The following NTM variants were observed in gnomAD, a reference collection of about 807,000 sequenced individuals.
The protein encoded by NTM is IgLON family member 2.
In NTM, 13 loss-of-function variants were observed where a neutral mutation model predicts 42.1. That is an observed-to-expected ratio of 0.31 (90% CI 0.20 to 0.49). The LOEUF (loss-of-function observed/expected upper bound fraction) is 0.49, where lower values mean the gene tolerates loss of function less well. NTM is among the 20% of genes least tolerant of loss of function. The pLI is 0.99. For missense variants in NTM, 373 were observed against 452.8 expected (o/e 0.82, Z 1.60); for synonymous variants, 187 against 179.2 (o/e 1.04, Z -0.35).
intron 2 of NTM, among the ~76,000 whole-genome samples, chr11:132,040,214 G>T (rs1196214259): frequency 6.6e-6 from 1 of 152,116 alleles, no homozygotes; most frequent in Non-Finnish European, 1.5e-5. Context: ...ACCCGCCTCT[G>T]CCTCCCAAAG....
chr11:131,959,650 C>T (rs150113792), intron 2 of NTM, among the ~76,000 whole-genome samples: 2 of 152,234 alleles, frequency 1.3e-5, no homozygotes, highest in African/African-American at 4.8e-5. Context: ...ACCTTGTTTT[C>T]CTGCGGGTGA....
intron 1 of NTM, among the ~76,000 whole-genome samples, chr11:131,411,025 T>A (rs1366782070): frequency 6.6e-6 from 1 of 152,202 alleles, no homozygotes; most frequent in Non-Finnish European, 1.5e-5. Context: ...CAGACACTTA[T>A]ACCACATACT....
At chr11:131,837,222 G>A (rs184677183) in intron 1 of NTM, among the ~76,000 whole-genome samples, 3 of 152,238 alleles carry the variant, frequency 2.0e-5, no homozygotes, top group African/African-American at 7.2e-5. Flanking sequence ...TTCCACACAG[G>A]CATCTACCGA....
intron 1 of NTM, among the ~76,000 whole-genome samples, chr11:131,396,733 C>A (rs1944603064): frequency 6.6e-6 from 1 of 151,946 alleles, no homozygotes; most frequent in African/African-American, 2.4e-5. Flanking sequence ...ACTCGAGAGG[C>A]TGAGGCAGGA....
intron 1 of NTM, among the ~76,000 whole-genome samples, chr11:131,708,690 T>G (rs1236321570): frequency 6.6e-6 from 1 of 152,194 alleles, no homozygotes; most frequent in Non-Finnish European, 1.5e-5. Flanking sequence ...TTTATACATT[T>G]CATTTATTCA....
At chr11:132,137,149 A>G (rs1487103945) in intron 2 of NTM, among the ~76,000 whole-genome samples, 1 of 152,248 alleles carries the variant, frequency 6.6e-6, no homozygotes, top group East Asian at 1.9e-4. Flanking sequence ...GATTTGGACA[A>G]CTGCCAGGCT....
chr11:131,664,054 C>G (rs2068561497), intron 1 of NTM, among the ~76,000 whole-genome samples: 1 of 152,202 alleles, frequency 6.6e-6, no homozygotes, highest in Non-Finnish European at 1.5e-5. Context: ...TGGGCTCGCT[C>G]CCCTCTAGCT....
At chr11:131,880,079 C>T (rs2049229373) in intron 1 of NTM, among the ~76,000 whole-genome samples, 1 of 152,190 alleles carries the variant, frequency 6.6e-6, no homozygotes, top group Non-Finnish European at 1.5e-5. Context: ...ATTCCGCCTC[C>T]CTACCCTCTC....
intron 3 of NTM, among the ~76,000 whole-genome samples, chr11:132,193,203 TTTC>T (rs1271636136): frequency 6.6e-6 from 1 of 152,086 alleles, no homozygotes; most frequent in Non-Finnish European, 1.5e-5. Context: ...CAGAATATAC[TTTC>T]TTCTTATCTG....
At chr11:131,387,945 C>G (rs1454485904) in intron 1 of NTM, among the ~76,000 whole-genome samples, 1 of 152,186 alleles carries the variant, frequency 6.6e-6, no homozygotes, top group East Asian at 1.9e-4. Flanking sequence ...ATCATTAGAC[C>G]AGGACTCTCC....
intron 4 of NTM, among the ~76,000 whole-genome samples, chr11:132,232,142 A>C (rs2087717911): frequency 1.3e-5 from 2 of 152,286 alleles, no homozygotes; most frequent in South Asian, 2.1e-4. Flanking sequence ...GCAGCTGGAG[A>C]GTGCTGAGAA....
rs558816372 is a variant in NTM at position 132,162,656 on chromosome 11, G to A, written c.400+16142G>A. Reference sequence around the variant, plus strand: ...GTGTGTGGGGCATGTGTGTGTTTGTGGGGCTTGTGTGAGTGTGTGTGTGTT... The same window carrying A: ...GTGTGTGGGGCATGTGTGTGTTTGTAGGGCTTGTGTGAGTGTGTGTGTGTT... On this transcript the variant is annotated intron_variant, in intron 3 of 8. Coordinates refer to ENST00000683400, the MANE Select transcript of NTM (RefSeq NM_001352005.2). 3.1e-4 allele frequency among the ~76,000 whole-genome samples: 46 copies of A among 149,764 alleles called. No individual in the cohort carries two copies. In the South Asian group the frequency reaches 9.2e-3, roughly 30 times the overall value.
chr11:132,126,932 C>A (rs2137015905), intron 2 of NTM, among the ~76,000 whole-genome samples: 1 of 152,316 alleles, frequency 6.6e-6, no homozygotes, highest in Non-Finnish European at 1.5e-5. Context: ...TGTTGGGAAA[C>A]TGAGGCACAG....
chr11:131,460,916 G>A (rs1951318898), intron 1 of NTM, among the ~76,000 whole-genome samples: 1 of 152,176 alleles, frequency 6.6e-6, no homozygotes, highest in African/African-American at 2.4e-5. Context: ...GTGTTGCAGA[G>A]GATATTCAAG....
intron 1 of NTM, among the ~76,000 whole-genome samples, chr11:131,896,862 G>C (rs2137621675): frequency 6.6e-6 from 1 of 151,962 alleles, no homozygotes; most frequent in African/African-American, 2.4e-5. Flanking sequence ...CTAATTTTTT[G>C]TATTTTTATT....
At chr11:132,286,514 C>G (rs944211490) in intron 4 of NTM, among the ~76,000 whole-genome samples, 14 of 151,840 alleles carry the variant, frequency 9.2e-5, no homozygotes, top group African/African-American at 3.4e-4. Flanking sequence ...CTTTGCCTGT[C>G]CGCCCCCCCC....
At chr11:132,046,804 A>C (rs892837687) in intron 2 of NTM, among the ~76,000 whole-genome samples, 2 of 152,172 alleles carry the variant, frequency 1.3e-5, no homozygotes, top group African/African-American at 2.4e-5. Context: ...TTATCTATCT[A>C]TCTGTCTGTC....
chr11:131,889,162 T>C (rs936053729), intron 1 of NTM, among the ~76,000 whole-genome samples: 10 of 152,176 alleles, frequency 6.6e-5, no homozygotes, highest in African/African-American at 2.4e-4. Context: ...ATTCTTAACA[T>C]GATAAGGGAC....
At chr11:132,094,257 A>G (rs2060700096) in intron 2 of NTM, among the ~76,000 whole-genome samples, 1 of 152,210 alleles carries the variant, frequency 6.6e-6, no homozygotes, top group African/African-American at 2.4e-5. Flanking sequence ...TTAACAATGT[A>G]TTGATTTGCT....
Sources: allele counts gnomAD v4.1 joint callset (sites outside exome capture counted in the v4.1 genomes callset), GRCh38; gene constraint gnomAD v4.1.1; transcripts MANE v1.5; gene names NCBI Gene and HGNC (gene_info 2026-07-23, HGNC 2026-07-21).